GBX1: variants seen among roughly 807,000 people sequenced by gnomAD.
GBX1 encodes the protein gastrulation brain homeobox 1, also known as homeobox protein GBX-1.
Under a neutral mutation model 22.9 loss-of-function variants are expected in GBX1, and 9 were observed. The observed-to-expected ratio is 0.39, with a 90% CI of 0.24 to 0.69. The LOEUF (loss-of-function observed/expected upper bound fraction) is 0.69. Among genes scored for constraint, GBX1 ranks in the 30% least tolerant of loss-of-function variants. The pLI, the probability that GBX1 is intolerant of heterozygous loss-of-function variation, is 0.43. For synonymous variants in GBX1, 203 were observed against 227.3 expected, an observed-to-expected ratio of 0.89 and a Z score of 0.96; for missense variants, 494 against 509.2, an observed-to-expected ratio of 0.97 and a Z score of 0.29.
intron 1 of GBX1, chr7:151,149,708 T>C: frequency 3.0e-6 from 1 of 334,996 alleles, no homozygotes; most frequent in Non-Finnish European, 5.9e-6. Context: ...GGAGTCCTCA[T>C]CTGGCCCAGC....
In GBX1 at chr7:151,148,327, GCTC is replaced by G. The variant is rs1801036912; in HGVS notation, c.*259_*261del. Among the ~76,000 whole-genome samples the G allele has an allele frequency of 6.6e-6, 1 of 152,030 alleles. No homozygotes were observed. The highest frequency in any genetic ancestry group is 2.4e-5 in the African/African-American group (1 of 41,366). Reference sequence around the variant, plus strand: ...CCAGGAGTCCACCTCAGTCCCAACAGCTCCTCAGCAATAGAACCCCAGCCCCTT... The same window carrying G: ...CCAGGAGTCCACCTCAGTCCCAACAGCTCAGCAATAGAACCCCAGCCCCTT... On this transcript the variant is annotated 3_prime_UTR_variant, in exon 2 of 2. Transcript: ENST00000297537. The surrounding 1 kb of genome is among the most constrained non-coding windows in gnomAD (Gnocchi z 5.1).
chr7:151,154,548 G>A (rs1286969064), intron 1 of GBX1, among the ~76,000 whole-genome samples: 1 of 152,212 alleles, frequency 6.6e-6, no homozygotes, highest in South Asian at 2.1e-4. Context: ...GTGAAAAACA[G>A]TTTGGCCTCT....
chr7:151,149,056 A>G lies in GBX1; in HGVS notation c.625T>C (p.Ser209Pro), dbSNP rs762209524. The change falls in exon 2 of 2, where the codon TCA (serine) becomes CCA (proline). Residue 209 changes from serine to proline, a missense_variant. Physicochemically the swap from Ser to Pro is moderately conservative, Grantham distance 74. Transcript: ENST00000297537. ...PAGSEQEEEGSGGDSEDDGFL... is the reference protein window; with the variant it reads ...PAGSEQEEEGPGGDSEDDGFL... ...CCGTCATCCTCGCTGTCACCGCCTG[A>G]GCCCTCTTCCTCCTGTTCGCTGCCT... 1.9e-6 allele frequency: 3 copies of G among 1,613,812 alleles called. No homozygotes were observed. Among genetic ancestry groups the G allele is most frequent in the Admixed American group, 3.3e-5 (2 of 60,012 alleles).
chr7:151,164,814 C>T (rs986105372), intron 1 of GBX1, among the ~76,000 whole-genome samples: 2 of 111,246 alleles, frequency 1.8e-5, no homozygotes, highest in South Asian at 2.6e-4. Flanking sequence ...ACATTTTCCT[C>T]GGATGATGAA....
rs1446096753 is a variant in GBX1, at chr7:151,148,013, G to A, written c.*576C>T. ...AAGAATTTCTACAGAGGCCAGTGACGGTTGCATTTCATTTCTTTGTAAAGA... is the reference window on the plus strand; with the variant it reads ...AAGAATTTCTACAGAGGCCAGTGACAGTTGCATTTCATTTCTTTGTAAAGA... On this transcript the variant is annotated 3_prime_UTR_variant, in exon 2 of 2. Coordinates refer to ENST00000297537, the MANE Select transcript of GBX1 (RefSeq NM_001098834.3). The surrounding 1 kb of genome is among the most constrained non-coding windows in gnomAD (Gnocchi z 5.1). 6.6e-6 allele frequency among the ~76,000 whole-genome samples: 1 copy of A among 152,072 alleles called. No individual in the cohort carries two copies. Among genetic ancestry groups the A allele is most frequent in the Non-Finnish European group, 1.5e-5 (1 of 68,014 alleles).
intron 1 of GBX1, among the ~76,000 whole-genome samples, chr7:151,156,249 C>T (rs1028465719): frequency 1.3e-5 from 2 of 151,502 alleles, no homozygotes; most frequent in South Asian, 4.2e-4. Context: ...TAGCTGGGCA[C>T]ATTGGCTTAC....
At chr7:151,150,756 G>A (rs754109163) in intron 1 of GBX1, among the ~76,000 whole-genome samples, 2 of 151,848 alleles carry the variant, frequency 1.3e-5, no homozygotes, top group African/African-American at 2.4e-5. Flanking sequence ...GAGACAGAGT[G>A]AGACTCTCAC....
rs2150551966 is a variant in GBX1, at chr7:151,167,261, G to A, written c.288C>T (p.Pro96=). 1 of 1,550,096 alleles carries A rather than the reference G, an allele frequency of 6.5e-7. No homozygotes were observed. Among genetic ancestry groups the A allele is most frequent in the Middle Eastern group, 1.7e-4 (1 of 5,830 alleles). ...TFCAGLGQAV[P]SMVALTTALP... ...GCGCGGTGGTCAGCGCCACCATCGA[G>A]GGCACAGCCTGACCCAGCCCCGCGC... The change falls in exon 1 of 2, where the codon CCC becomes CCT. Residue 96 remains proline, a synonymous_variant. Transcript: ENST00000297537. The surrounding 1 kb of genome is among the most constrained non-coding windows in gnomAD (Gnocchi z 5.9).
intron 1 of GBX1, among the ~76,000 whole-genome samples, chr7:151,153,147 G>C (rs1801097457): frequency 6.6e-6 from 1 of 152,120 alleles, no homozygotes; most frequent in Admixed American, 6.5e-5. Context: ...AAATAAAAGG[G>C]CTGAAAAGTC....
At chr7:151,150,886 T>C (rs1247507279) in intron 1 of GBX1, among the ~76,000 whole-genome samples, 2 of 152,134 alleles carry the variant, frequency 1.3e-5, no homozygotes, top group Non-Finnish European at 2.9e-5. Context: ...GCACACACCA[T>C]GCCTGGTTAA....
chr7:151,149,905 C>T, intron 1 of GBX1: 1 of 455,964 alleles, frequency 2.2e-6, no homozygotes, highest in Non-Finnish European at 4.4e-6. Flanking sequence ...TAAAATGAAA[C>T]CATCTCTTTC....
In GBX1 at chr7:151,161,570, G is replaced by A. The variant is rs540782684; in HGVS notation, c.538+5441C>T. On this transcript the variant is annotated intron_variant, in intron 1 of 1. Coordinates refer to ENST00000297537, the MANE Select transcript of GBX1 (RefSeq NM_001098834.3). ...ACATAAAATACATAGTATTACATTT[G>A]AAGTCAAGTATATTAAAATATAGTT... Among the ~76,000 whole-genome samples the A allele has an allele frequency of 1.2e-4, 18 of 152,230 alleles. No homozygotes were observed. In the South Asian group the frequency reaches 3.7e-3, roughly 32 times the overall value.
At chr7:151,166,690 A>C (rs1801255513) in intron 1 of GBX1, among the ~76,000 whole-genome samples, 1 of 152,008 alleles carries the variant, frequency 6.6e-6, no homozygotes, top group Non-Finnish European at 1.5e-5. Flanking sequence ...CAGAGGAGGA[A>C]AAAAATGAAG....
At position 151,148,913 on chromosome 7, in the gene GBX1, A is replaced by T. The variant is rs773480725; in HGVS notation, c.768T>A (p.Ala256=). 10 of 1,613,900 alleles carry T rather than the reference A, an allele frequency of 6.2e-6. No homozygotes were observed. The South Asian group carries it at 8.8e-5, about 14-fold the overall frequency. Residue 256 remains alanine (A), a synonymous_variant, in exon 2 of 2, where the codon GCT becomes GCA. Coordinates refer to ENST00000297537, the MANE Select transcript of GBX1 (RefSeq NM_001098834.3). This position sits in a 1 kb window ranked among gnomAD's most constrained non-coding sequence, Gnocchi z 5.1. Reference sequence around the variant, plus strand: ...GGCGCCGTCGGCTTTTCCCCCCAGGAGCTGTGACCCCTGCTGTCACCGGTG... The same window carrying T: ...GGCGCCGTCGGCTTTTCCCCCCAGGTGCTGTGACCCCTGCTGTCACCGGTG... ...EGAPVTAGVT[A]PGGKSRRRRT...
At position 151,148,077 on chromosome 7, in the gene GBX1, C is replaced by A. The variant is rs115256607; in HGVS notation, c.*512G>T. Among the ~76,000 whole-genome samples, 1 of 152,132 alleles carries A rather than the reference C, an allele frequency of 6.6e-6. No individual in the cohort carries two copies. Among genetic ancestry groups the A allele is most frequent in the Non-Finnish European group, 1.5e-5 (1 of 68,018 alleles). ...GCCTACCCCAAAGCAGTAGGACAGA[C>A]GAACTCTGGCTGAGGATTGAGGAAA... On this transcript the variant is annotated 3_prime_UTR_variant, in exon 2 of 2. Coordinates refer to ENST00000297537, the MANE Select transcript of GBX1 (RefSeq NM_001098834.3). The surrounding 1 kb of genome is among the most constrained non-coding windows in gnomAD (Gnocchi z 5.1).
chr7:151,149,977 A>G (rs1445194825), intron 1 of GBX1: 1 of 455,946 alleles, frequency 2.2e-6, no homozygotes, highest in East Asian at 7.0e-5. Context: ...TTTCTGCTCA[A>G]GTTCAGAATC....
At chr7:151,166,480 C>CG (rs972958040) in intron 1 of GBX1, among the ~76,000 whole-genome samples, 1 of 125,108 alleles carries the variant, frequency 8.0e-6, no homozygotes, top group African/African-American at 3.6e-5. Flanking sequence ...CGCAACCCCC[C>CG]CCCCCCAACA....
At chr7:151,157,159 G>A (rs1266911446) in intron 1 of GBX1, among the ~76,000 whole-genome samples, 1 of 151,986 alleles carries the variant, frequency 6.6e-6, no homozygotes. Flanking sequence ...AGCTGGGCAT[G>A]GTGGCACATG....
chr7:151,154,479 T>C (rs4725394), intron 1 of GBX1, among the ~76,000 whole-genome samples: 44,826 of 152,092 alleles, frequency 0.29, 6,916 homozygotes, highest in African/African-American at 0.38. Flanking sequence ...GATGATATTA[T>C]TGGTAATAAG....
Sources: allele counts gnomAD v4.1 joint callset (sites outside exome capture counted in the v4.1 genomes callset), GRCh38; gene constraint gnomAD v4.1.1; non-coding constraint Gnocchi (gnomAD v3.1); transcripts MANE v1.5; gene names NCBI Gene and HGNC (gene_info 2026-07-23, HGNC 2026-07-21).